Variants in ALCAM observed in about 807,000 individuals in gnomAD.
The protein encoded by ALCAM is CD166 antigen.
Under a neutral mutation model 70.9 loss-of-function variants are expected in ALCAM, and 30 were observed. The ratio of observed to expected loss-of-function variants is 0.42; its 90% confidence interval spans 0.32 to 0.57. The LOEUF (loss-of-function observed/expected upper bound fraction) is 0.57. Among genes scored for constraint, ALCAM ranks in the 20% least tolerant of loss-of-function variants. ALCAM has a pLI of 0.11. For synonymous variants in ALCAM, 249 were observed against 242.5 expected (o/e 1.03, Z -0.25); for missense variants, 591 against 695.1 (o/e 0.85, Z 1.68).
intron 1 of ALCAM, among the ~76,000 whole-genome samples, chr3:105,465,397 A>G (rs1937688830): frequency 6.6e-6 from 1 of 151,490 alleles, no homozygotes; most frequent in East Asian, 1.9e-4. Context: ...CATGGGCAAG[A>G]TGGGTTCAGC....
chr3:105,543,168 A>C (rs892810908), intron 8 of ALCAM, among the ~76,000 whole-genome samples: 3 of 151,686 alleles, frequency 2.0e-5, no homozygotes, highest in Admixed American at 6.6e-5. Flanking sequence ...AAGGGCTCTT[A>C]TTTACTTTAC....
chr3:105,401,269 G>A (rs1235253897), intron 1 of ALCAM, among the ~76,000 whole-genome samples: 3 of 152,332 alleles, frequency 2.0e-5, no homozygotes, highest in South Asian at 4.1e-4. Flanking sequence ...ATTATGTACT[G>A]TCTCTGTAAT....
At chr3:105,496,672 C>T (rs563779455) in intron 1 of ALCAM, among the ~76,000 whole-genome samples, 4 of 152,208 alleles carry the variant, frequency 2.6e-5, no homozygotes, top group African/African-American at 9.6e-5. Flanking sequence ...TGGTGTTAGG[C>T]ACATTAACAG....
intron 1 of ALCAM, among the ~76,000 whole-genome samples, chr3:105,486,514 C>A (rs1220227185): frequency 6.6e-6 from 1 of 152,002 alleles, no homozygotes; most frequent in African/African-American, 2.4e-5. Context: ...AGGAGGAGAA[C>A]AAATTGTACA....
chr3:105,383,639 T>C (rs917730511), intron 1 of ALCAM, among the ~76,000 whole-genome samples: 3 of 151,694 alleles, frequency 2.0e-5, no homozygotes, highest in Non-Finnish European at 3.0e-5. Flanking sequence ...GCTATGCAAA[T>C]TGAGTGCTAA....
chr3:105,540,179 T>C (rs1940079808), intron 7 of ALCAM, 77 bp downstream of exon 7: 4 of 1,392,686 alleles, frequency 2.9e-6, no homozygotes, highest in Non-Finnish European at 3.9e-6. Flanking sequence ...ATAGATTAAG[T>C]GAGAAAAAAT....
intron 1 of ALCAM, among the ~76,000 whole-genome samples, chr3:105,391,665 C>T (rs1399720407): frequency 1.3e-5 from 2 of 151,950 alleles, no homozygotes; most frequent in Admixed American, 6.6e-5. Flanking sequence ...TATATTGTGT[C>T]GGTTTTCAAG....
At chr3:105,402,938 CTTTT>C (rs58126212) in intron 1 of ALCAM, among the ~76,000 whole-genome samples, 10 of 117,228 alleles carry the variant, frequency 8.5e-5, no homozygotes, top group Middle Eastern at 4.9e-3. Flanking sequence ...AGCTGATGCG[CTTTT>C]TTTTTTTTTT....
intron 1 of ALCAM, chr3:105,439,233 A>C (rs531957675): frequency 6.6e-6 from 1 of 152,328 alleles, no homozygotes; most frequent in South Asian, 2.1e-4. Flanking sequence ...GGGAAGTGTA[A>C]CCAGGTCTCA....
At chr3:105,525,176 C>G in intron 3 of ALCAM, 1 of 983,910 alleles carries the variant, frequency 1.0e-6, no homozygotes, top group Non-Finnish European at 1.2e-6. Flanking sequence ...CTCACTATAC[C>G]CTGAATGCTT....
intron 1 of ALCAM, among the ~76,000 whole-genome samples, chr3:105,435,785 T>C (rs540126338): frequency 6.6e-6 from 1 of 152,272 alleles, no homozygotes; most frequent in African/African-American, 2.4e-5. Context: ...AGGTTTTTTT[T>C]TGTTTGTTTG....
At chr3:105,435,278 C>T (rs533306856) in intron 1 of ALCAM, among the ~76,000 whole-genome samples, 35 of 152,284 alleles carry the variant, frequency 2.3e-4, no homozygotes, top group African/African-American at 8.2e-4. Context: ...CAACCAGTGA[C>T]AAGTCATACA....
At chr3:105,402,090 C>T (rs561571029) in intron 1 of ALCAM, among the ~76,000 whole-genome samples, 55 of 151,918 alleles carry the variant, frequency 3.6e-4, no homozygotes, top group African/African-American at 1.3e-3. Context: ...CCAAACATCC[C>T]CATCATAGAT....
intron 2 of ALCAM, among the ~76,000 whole-genome samples, chr3:105,523,121 C>T (rs377760770): frequency 2.5e-3 from 272 of 109,910 alleles, no homozygotes; most frequent in Non-Finnish European, 3.3e-3. Flanking sequence ...GCCTGGGCGA[C>T]AGAGCGAGAC....
At chr3:105,382,924 A>G (rs1011141890) in intron 1 of ALCAM, among the ~76,000 whole-genome samples, 1 of 151,856 alleles carries the variant, frequency 6.6e-6, no homozygotes, top group Admixed American at 6.6e-5. Context: ...GTAAAATAGT[A>G]ACTTCTTAAT....
intron 1 of ALCAM, among the ~76,000 whole-genome samples, chr3:105,482,771 G>T (rs1369177942): frequency 6.6e-6 from 1 of 152,016 alleles, no homozygotes; most frequent in Non-Finnish European, 1.5e-5. Context: ...AATGTAATTT[G>T]CTAGTTAATT....
intron 1 of ALCAM, among the ~76,000 whole-genome samples, chr3:105,503,732 A>G (rs1467575804): frequency 6.6e-6 from 1 of 152,078 alleles, no homozygotes; most frequent in Non-Finnish European, 1.5e-5. Flanking sequence ...GTATCACCCC[A>G]TTGCTTCTTT....
At chr3:105,551,372 C>T (rs1186848163) in intron 12 of ALCAM, among the ~76,000 whole-genome samples, 1 of 151,512 alleles carries the variant, frequency 6.6e-6, no homozygotes, top group Non-Finnish European at 1.5e-5. Flanking sequence ...TTTTCTAGGC[C>T]TTGCAGTGAC....
chr3:105,466,491 T>C (rs1006104466), intron 1 of ALCAM, among the ~76,000 whole-genome samples: 1 of 151,482 alleles, frequency 6.6e-6, no homozygotes, highest in African/African-American at 2.4e-5. Context: ...GCTTTTCTTA[T>C]ATCAATTTGT....
Sources: allele counts gnomAD v4.1 joint callset (sites outside exome capture counted in the v4.1 genomes callset), GRCh38; gene constraint gnomAD v4.1.1; transcripts MANE v1.5; gene names NCBI Gene and HGNC (gene_info 2026-07-23, HGNC 2026-07-21).